RASA1: variants seen among roughly 807,000 people sequenced by gnomAD.
RASA1 encodes RAS p21 protein activator 1.
In RASA1, 25 loss-of-function variants were observed where a neutral mutation model predicts 132.2. The observed-to-expected ratio is 0.19, with a 90% confidence interval of 0.14 to 0.26. RASA1 has a LOEUF of 0.26. Ranked by LOEUF, RASA1 falls within the 10% of genes least tolerant of loss-of-function variation. The probability of loss-of-function intolerance (pLI) is 1.00; values close to 1 mark genes in which losing one functional copy is unlikely to be tolerated. For missense variants in RASA1, 964 were observed against 1,299.2 expected (o/e 0.74, Z 3.97); for synonymous variants, 477 against 449.9 (o/e 1.06, Z -0.76).
At chr5:87,338,537 T>TATATATATATATATATATATATATATA (rs1421369290) in intron 5 of RASA1, among the ~76,000 whole-genome samples, 2 of 79,796 alleles carry the variant, frequency 2.5e-5, no homozygotes, top group African/African-American at 4.6e-5. Context: ...ATATATAAAA[T>TATATATATATATATATATATATATATA]TTTTTTTTTT....
chr5:87,308,195 A>G (rs943781995), intron 1 of RASA1, among the ~76,000 whole-genome samples: 1 of 151,700 alleles, frequency 6.6e-6, no homozygotes, highest in Non-Finnish European at 1.5e-5. Flanking sequence ...CCTCCTGAGA[A>G]TTCATGCAAA....
chr5:87,355,583 C>A (rs1212810756), intron 9 of RASA1, among the ~76,000 whole-genome samples: 1 of 152,188 alleles, frequency 6.6e-6, no homozygotes, highest in African/African-American at 2.4e-5. Flanking sequence ...TTGTTGTTTT[C>A]ATGCCAGCTA....
intron 23 of RASA1, among the ~76,000 whole-genome samples, chr5:87,387,630 A>C (rs529325252): frequency 1.3e-5 from 2 of 152,262 alleles, no homozygotes; most frequent in South Asian, 4.1e-4. Flanking sequence ...AGGATTGGAG[A>C]TTGAGGTGTC....
At chr5:87,311,816 G>A (rs10058449) in intron 1 of RASA1, among the ~76,000 whole-genome samples, 53,006 of 152,074 alleles carry the variant, frequency 0.35, 9,761 homozygotes, top group East Asian at 0.48. Context: ...GGCCCCTCCC[G>A]TAAATTACAT....
chr5:87,281,424 A>G (rs1005760578), intron 1 of RASA1, among the ~76,000 whole-genome samples: 29 of 150,572 alleles, frequency 1.9e-4, no homozygotes, highest in Non-Finnish European at 2.7e-4. Flanking sequence ...TTTATTTTCT[A>G]TTTTCTTAAT....
intron 1 of RASA1, among the ~76,000 whole-genome samples, chr5:87,270,359 C>A (rs1182231728): frequency 1.3e-5 from 2 of 150,072 alleles, no homozygotes; most frequent in South Asian, 2.1e-4. Context: ...TCCTTCCCCC[C>A]ACCCCAGAGA....
At chr5:87,367,451 A>G (rs536020951) in intron 11 of RASA1, among the ~76,000 whole-genome samples, 123 of 152,278 alleles carry the variant, frequency 8.1e-4, no homozygotes, top group African/African-American at 2.8e-3. Context: ...GCAGTAGGTG[A>G]TTAGTGCGCA....
chr5:87,304,792 A>G (rs564278142), intron 1 of RASA1, among the ~76,000 whole-genome samples: 8 of 152,126 alleles, frequency 5.3e-5, no homozygotes, highest in Non-Finnish European at 1.2e-4. Flanking sequence ...AATATTCATT[A>G]GATATTACTG....
intron 1 of RASA1, among the ~76,000 whole-genome samples, chr5:87,301,671 A>T (rs1032867262): frequency 6.6e-6 from 1 of 152,250 alleles, no homozygotes; most frequent in South Asian, 2.1e-4. Flanking sequence ...TATTTGCATT[A>T]TACCAGTTGA....
chr5:87,300,272 G>A (rs545232096), intron 1 of RASA1, among the ~76,000 whole-genome samples: 9 of 152,286 alleles, frequency 5.9e-5, no homozygotes, highest in Admixed American at 3.9e-4. Context: ...AGCTACTTGG[G>A]AGGCTGGGGT....
chr5:87,346,509 T>A (rs535673601), intron 6 of RASA1, among the ~76,000 whole-genome samples, 163 bp from the exon 7 acceptor site: 2 of 152,084 alleles, frequency 1.3e-5, no homozygotes, highest in Admixed American at 1.3e-4. Context: ...AAGTATAATA[T>A]GTATATAAAA....
intron 9 of RASA1, among the ~76,000 whole-genome samples, chr5:87,361,961 G>C (rs1760132573): frequency 6.6e-6 from 1 of 152,186 alleles, no homozygotes; most frequent in African/African-American, 2.4e-5. Flanking sequence ...GAATGTTGCA[G>C]AGTGGCAGAG....
intron 6 of RASA1, among the ~76,000 whole-genome samples, chr5:87,342,158 T>C (rs1758517472): frequency 6.6e-6 from 1 of 151,646 alleles, no homozygotes; most frequent in South Asian, 2.1e-4. Context: ...TTTTGTTATT[T>C]TTTCTTTTTT....
intron 1 of RASA1, chr5:87,331,117 T>A: frequency 2.3e-6 from 2 of 860,380 alleles, no homozygotes; most frequent in Non-Finnish European, 3.5e-6. Context: ...GAGATTTATA[T>A]ATGAGATGAC....
chr5:87,309,530 A>G (rs1042388332), intron 1 of RASA1, among the ~76,000 whole-genome samples: 1 of 152,076 alleles, frequency 6.6e-6, no homozygotes, highest in Non-Finnish European at 1.5e-5. Context: ...ATAGTTTTCT[A>G]TTGGATGTAC....
At chr5:87,309,831 T>C (rs933959344) in intron 1 of RASA1, among the ~76,000 whole-genome samples, 31 of 152,262 alleles carry the variant, frequency 2.0e-4, no homozygotes, top group African/African-American at 6.0e-4. Flanking sequence ...TTTGGCATGG[T>C]TTGGGATTCT....
chr5:87,281,516 A>G (rs1462223282), intron 1 of RASA1, among the ~76,000 whole-genome samples: 1 of 152,010 alleles, frequency 6.6e-6, no homozygotes, highest in Non-Finnish European at 1.5e-5. Flanking sequence ...GCATCTTTTC[A>G]TGTGCTTATT....
intron 4 of RASA1, among the ~76,000 whole-genome samples, chr5:87,335,419 G>T (rs953668877): frequency 1.5e-4 from 11 of 72,928 alleles, no homozygotes; most frequent in African/African-American, 4.4e-4. Flanking sequence ...AAAGAATGAG[G>T]TTTTTTTTTT....
In RASA1 at chr5:87,307,169, G is replaced by A. The variant is rs189558098; in HGVS notation, c.540-24179G>A. Among the ~76,000 whole-genome samples the A allele has an allele frequency of 1.6e-3, 244 of 152,132 alleles. 1 individual carries two copies. The highest frequency in any genetic ancestry group is 0.01 in the Middle Eastern group (3 of 294). On this transcript the variant is annotated intron_variant, in intron 1 of 24. Coordinates refer to ENST00000274376, the MANE Select transcript of RASA1 (RefSeq NM_002890.3). ...AGGTGTGAGCCACTTTGCCCAGCCC[G>A]TTAGTCATTTTTTAAAAAACGATGT...
Sources: allele counts gnomAD v4.1 joint callset (sites outside exome capture counted in the v4.1 genomes callset), GRCh38; gene constraint gnomAD v4.1.1; transcripts MANE v1.5; gene names NCBI Gene and HGNC (gene_info 2026-07-23, HGNC 2026-07-21).